DGAT2: variants seen among roughly 807,000 people sequenced by gnomAD.
The protein encoded by DGAT2 is acyl-CoA retinol O-fatty-acyltransferase.
Under a neutral mutation model 48.4 loss-of-function variants are expected in DGAT2, and 33 were observed. The observed-to-expected ratio is 0.68, with a 90% CI of 0.52 to 0.91. The LOEUF (loss-of-function observed/expected upper bound fraction) is 0.91, where lower values mean the gene tolerates loss of function less well. Among genes scored for constraint, DGAT2 ranks in the 40% least tolerant of loss-of-function variants. The pLI, the probability that DGAT2 is intolerant of heterozygous loss-of-function variation, is 0.00. For synonymous variants in DGAT2, 191 were observed against 194.1 expected (o/e 0.98, Z 0.13); for missense variants, 446 against 493.7 (o/e 0.90, Z 0.92).
intron 1 of DGAT2, among the ~76,000 whole-genome samples, chr11:75,770,000 TAAAG>T (rs1489175220): frequency 2.0e-5 from 3 of 152,328 alleles, no homozygotes; most frequent in South Asian, 4.1e-4. Flanking sequence ...GTTACAAAAA[TAAAG>T]CTTGCTAATT....
Position 75,769,097 on chromosome 11 carries a change from G to T in DGAT2, c.106G>T (p.Gly36Trp). 6.4e-7 allele frequency: 1 copy of T among 1,568,306 alleles called. No individual in the cohort carries two copies. ...SHGGPALSRE[G>W]SGRWGTGSSI... ...CGGAGGACCTGCGCTGTCGCGCGAG[G>T]GGTCTGGGAGATGGGGTGAGTGCCA... The change falls in exon 1 of 8, where the codon GGG (glycine) becomes TGG (tryptophan). Residue 36 changes from glycine (G) to tryptophan (W), a missense_variant. By Grantham distance (184) the Gly-to-Trp change is radical. Transcript: ENST00000228027.
rs574901022 is a variant in DGAT2, at chr11:75,788,823, T to G, written c.251-1365T>G. The stretch of plus-strand genomic sequence containing the variant: ...GTACCTGCTGCCCTTGCCCTTGTGC[T>G]GAATGCCAAGGACCAAAGAAGATGC... On this transcript the variant is annotated intron_variant, in intron 2 of 7. Transcript: ENST00000228027. 5.9e-5 allele frequency among the ~76,000 whole-genome samples: 9 copies of G among 152,328 alleles called. No homozygotes were observed. The South Asian group carries it at 8.3e-4, about 14-fold the overall frequency.
intron 1 of DGAT2, among the ~76,000 whole-genome samples, chr11:75,778,958 C>A (rs1565314531): frequency 1.3e-5 from 2 of 152,116 alleles, no homozygotes; most frequent in Non-Finnish European, 1.5e-5. Context: ...GTCACAGAGC[C>A]AGGCAAGGGC....
Position 75,796,499 on chromosome 11 carries a change from A to G in DGAT2, c.601A>G (p.Met201Val), listed in dbSNP as rs200200192. 5.0e-6 allele frequency: 8 copies of G among 1,613,314 alleles called. No homozygotes were observed. In the African/African-American group the frequency reaches 1.1e-4, roughly 22 times the overall value. The change falls in exon 5 of 8, where the codon ATG becomes GTG. Residue 201 changes from methionine (M) to valine (V), a missense_variant. By Grantham distance (21) the Met-to-Val change is conservative (BLOSUM62 1). Transcript: ENST00000228027. ...GGCTACACTGGCAGGCAACTTCCGAATGCCTGTGTTGAGGGAGTACCTGAT... is the reference window on the plus strand; with the variant it reads ...GGCTACACTGGCAGGCAACTTCCGAGTGCCTGTGTTGAGGGAGTACCTGAT... ...YLATLAGNFR[M>V]PVLREYLMSG...
intron 2 of DGAT2, among the ~76,000 whole-genome samples, chr11:75,789,127 T>A (rs1280130731): frequency 6.6e-6 from 1 of 151,862 alleles, no homozygotes; most frequent in East Asian, 1.9e-4. Flanking sequence ...CCCAGGCAAG[T>A]CTTCCAAGTG....
intron 7 of DGAT2, among the ~76,000 whole-genome samples, chr11:75,799,650 G>A (rs1163655944): frequency 6.7e-6 from 1 of 149,452 alleles, no homozygotes. Flanking sequence ...GTCTCATTCT[G>A]TCATCCAGGC....
chr11:75,782,089 A>G (rs10899122), intron 1 of DGAT2, among the ~76,000 whole-genome samples: 30,050 of 152,010 alleles, frequency 0.2, 4,598 homozygotes, highest in African/African-American at 0.43. Flanking sequence ...CCCTCAAACC[A>G]CTGGCTTCAG....
chr11:75,791,500 C>T (rs1280593674), intron 4 of DGAT2, among the ~76,000 whole-genome samples: 1 of 152,174 alleles, frequency 6.6e-6, no homozygotes, highest in Non-Finnish European at 1.5e-5. Context: ...TCATAGGACC[C>T]AACCCTCTAA....
chr11:75,788,524 G>T (rs1410052415), intron 2 of DGAT2, among the ~76,000 whole-genome samples: 1 of 152,116 alleles, frequency 6.6e-6, no homozygotes, highest in Admixed American at 6.5e-5. Context: ...GGAGAGGCTG[G>T]CTCAGGAGTC....
intron 1 of DGAT2, among the ~76,000 whole-genome samples, chr11:75,775,641 A>G (rs974712123): frequency 3.3e-5 from 5 of 152,130 alleles, no homozygotes; most frequent in African/African-American, 1.2e-4. Flanking sequence ...CCAGTCCTTC[A>G]TGCCTCCCTG....
chr11:75,796,768 C>A, intron 5 of DGAT2: 1 of 559,586 alleles, frequency 1.8e-6, no homozygotes, highest in Non-Finnish European at 3.2e-6. Context: ...ACCCCCTTTT[C>A]TGGGGACCCC....
intron 2 of DGAT2, among the ~76,000 whole-genome samples, chr11:75,788,200 C>T (rs886368748): frequency 6.6e-6 from 1 of 152,176 alleles, no homozygotes; most frequent in Non-Finnish European, 1.5e-5. Flanking sequence ...ACTAGAGGAG[C>T]CTGGATGCCT....
At position 75,768,991 on chromosome 11, in the gene DGAT2, C is replaced by T. The variant is rs763344440; in HGVS notation, c.-1C>T. 3.9e-6 allele frequency: 6 copies of T among 1,546,284 alleles called. No individual in the cohort carries two copies. Among genetic ancestry groups the T allele is most frequent in the Non-Finnish European group, 4.4e-6 (5 of 1,147,952 alleles). ...GGGCCGTGACTGGGCGGGCTTCAGCCATGAAGACCCTCATAGCCGCCTACT... is the reference window on the plus strand; with the variant it reads ...GGGCCGTGACTGGGCGGGCTTCAGCTATGAAGACCCTCATAGCCGCCTACT... On this transcript the variant is annotated 5_prime_UTR_variant, in exon 1 of 8. Coordinates refer to ENST00000228027, the MANE Select transcript of DGAT2 (RefSeq NM_032564.5).
intron 5 of DGAT2, chr11:75,796,893 G>C: frequency 2.3e-6 from 1 of 441,310 alleles, no homozygotes; most frequent in Non-Finnish European, 4.0e-6. Context: ...ACCTCGCACC[G>C]ACTTGGCAGA....
At chr11:75,790,980 T>A (rs1565318256) in intron 4 of DGAT2, among the ~76,000 whole-genome samples, 3 of 152,248 alleles carry the variant, frequency 2.0e-5, no homozygotes, top group Non-Finnish European at 4.4e-5. Context: ...GTCTGGCCCC[T>A]GCCTGGTCTG....
At chr11:75,799,677 A>C (rs1356255332) in intron 7 of DGAT2, among the ~76,000 whole-genome samples, 1 of 151,558 alleles carries the variant, frequency 6.6e-6, no homozygotes, top group African/African-American at 2.4e-5. Context: ...GCAGTGGCGC[A>C]ATCTCGGCTC....
intron 5 of DGAT2, 186 bp from the exon 6 acceptor site, chr11:75,796,972 T>G: frequency 1.9e-6 from 1 of 537,754 alleles, no homozygotes; most frequent in Non-Finnish European, 3.1e-6. Context: ...TAGCTGCATT[T>G]TACAGATGAG....
chr11:75,768,803 T>G lies in DGAT2; in HGVS notation c.-189T>G. On this transcript the variant is annotated 5_prime_UTR_variant, in exon 1 of 8. Coordinates refer to ENST00000228027, the MANE Select transcript of DGAT2 (RefSeq NM_032564.5). Reference sequence around the variant, plus strand: ...GCCGCGGCTGCCGCCTCTGCTGGGGTCTAGGCTGTTTCTCTCGCGCCACCA... The same window carrying G: ...GCCGCGGCTGCCGCCTCTGCTGGGGGCTAGGCTGTTTCTCTCGCGCCACCA... The G allele has an allele frequency of 1.5e-6, 1 of 646,234 alleles. No homozygotes were observed. The highest frequency in any genetic ancestry group is 2.3e-6 in the Non-Finnish European group (1 of 432,424). 40.0% of individuals were successfully genotyped at this position (646,234 alleles called of 1,614,324 possible).
intron 4 of DGAT2, among the ~76,000 whole-genome samples, chr11:75,791,580 G>A (rs1944990821): frequency 6.6e-6 from 1 of 152,162 alleles, no homozygotes. Context: ...CTAGTATGAT[G>A]GCAACATTGC....
Sources: gnomAD v4.1 joint callset for allele counts (sites outside exome capture counted in the v4.1 genomes callset) on GRCh38, gnomAD v4.1.1 for gene constraint, MANE v1.5 for transcripts, NCBI Gene and HGNC (gene_info 2026-07-23, HGNC 2026-07-21) for gene names.